The following KCNIP4 variants were observed in gnomAD, a reference collection of about 807,000 sequenced individuals.
KCNIP4 encodes the protein Kv channel-interacting protein 4.
A neutral mutation model predicts 34.0 loss-of-function variants in KCNIP4; 12 were observed. That is an observed-to-expected ratio of 0.35 (90% CI 0.23 to 0.57). KCNIP4 has a LOEUF of 0.57. Ranked by LOEUF, KCNIP4 falls within the 20% of genes least tolerant of loss-of-function variation. The probability of loss-of-function intolerance (pLI) is 0.83; values close to 1 mark genes in which losing one functional copy is unlikely to be tolerated. For missense variants in KCNIP4, 238 were observed against 311.7 expected (o/e 0.76, Z 1.78); for synonymous variants, 124 against 102.2 (o/e 1.21, Z -1.29).
intron 1 of KCNIP4, among the ~76,000 whole-genome samples, chr4:21,470,333 G>A (rs896831437): frequency 1.3e-5 from 2 of 152,206 alleles, no homozygotes; most frequent in South Asian, 4.2e-4. Flanking sequence ...AAGGAGAAAG[G>A]GAAGAAAGGA....
chr4:21,296,083 T>C (rs577260536), intron 1 of KCNIP4, among the ~76,000 whole-genome samples: 1 of 152,300 alleles, frequency 6.6e-6, no homozygotes, highest in South Asian at 2.1e-4. Context: ...TCTAGAACAG[T>C]AGCTGGCACT....
intron 1 of KCNIP4, among the ~76,000 whole-genome samples, chr4:21,801,225 C>G (rs979596174): frequency 2.6e-5 from 4 of 152,096 alleles, no homozygotes; most frequent in African/African-American, 7.2e-5. Context: ...GTATTTGACA[C>G]GTAATCTTTT....
chr4:21,153,849 A>G (rs926862160), intron 1 of KCNIP4, among the ~76,000 whole-genome samples: 18 of 152,134 alleles, frequency 1.2e-4, no homozygotes, highest in African/African-American at 4.3e-4. Context: ...GAGTTCTTTC[A>G]TCAGGTATAT....
intron 1 of KCNIP4, among the ~76,000 whole-genome samples, chr4:21,076,116 T>G (rs1745466132): frequency 6.6e-6 from 1 of 152,162 alleles, no homozygotes; most frequent in South Asian, 2.1e-4. Context: ...ATTATGTGTC[T>G]TGGAGTTGCT....
chr4:21,861,773 C>CT (rs1725093125), intron 1 of KCNIP4, among the ~76,000 whole-genome samples: 1 of 151,948 alleles, frequency 6.6e-6, no homozygotes, highest in South Asian at 2.1e-4. Flanking sequence ...GACCATTGTT[C>CT]TTTCTTCCAA....
At chr4:21,508,402 A>T (rs1158789454) in intron 1 of KCNIP4, among the ~76,000 whole-genome samples, 1 of 152,176 alleles carries the variant, frequency 6.6e-6, no homozygotes, top group African/African-American at 2.4e-5. Flanking sequence ...TATGCTTATT[A>T]TGTTACAAAG....
chr4:21,251,574 T>C (rs1760702061), intron 1 of KCNIP4, among the ~76,000 whole-genome samples: 1 of 152,194 alleles, frequency 6.6e-6, no homozygotes, highest in South Asian at 2.1e-4. Flanking sequence ...CAAAATATTT[T>C]GTTTCAAAAC....
At chr4:21,754,939 G>T (rs540822585) in intron 1 of KCNIP4, among the ~76,000 whole-genome samples, 2 of 152,188 alleles carry the variant, frequency 1.3e-5, no homozygotes, top group South Asian at 4.1e-4. Flanking sequence ...CTGAGGTCAG[G>T]AGTTCAAGAC....
intron 2 of KCNIP4, among the ~76,000 whole-genome samples, chr4:20,864,031 T>C (rs987536225): frequency 8.7e-5 from 9 of 103,880 alleles, no homozygotes; most frequent in African/African-American, 2.4e-4. Flanking sequence ...TATACATACA[T>C]ATGTATGTAT....
chr4:21,669,664 G>A (rs562802765), intron 1 of KCNIP4, among the ~76,000 whole-genome samples: 1 of 152,060 alleles, frequency 6.6e-6, no homozygotes, highest in Non-Finnish European at 1.5e-5. Context: ...ATAATGCAAA[G>A]TATGATGACC....
intron 1 of KCNIP4, among the ~76,000 whole-genome samples, chr4:21,720,262 C>T (rs539555920): frequency 6.6e-6 from 1 of 151,736 alleles, no homozygotes; most frequent in Non-Finnish European, 1.5e-5. Flanking sequence ...ATCATAAGTA[C>T]AGTACATATT....
chr4:21,024,336 T>C (rs1441900184), intron 1 of KCNIP4, among the ~76,000 whole-genome samples: 1 of 152,204 alleles, frequency 6.6e-6, no homozygotes, highest in Non-Finnish European at 1.5e-5. Context: ...AGGCAATTAA[T>C]GTTTTTGAGG....
At chr4:21,112,807 AG>A (rs1749336933) in intron 1 of KCNIP4, among the ~76,000 whole-genome samples, 2 of 152,090 alleles carry the variant, frequency 1.3e-5, no homozygotes, top group African/African-American at 4.8e-5. Context: ...AGAAAATGGA[AG>A]GTTGTTTCCA....
chr4:21,574,879 G>C (rs1025048664), intron 1 of KCNIP4, among the ~76,000 whole-genome samples: 1 of 152,108 alleles, frequency 6.6e-6, no homozygotes, highest in Non-Finnish European at 1.5e-5. Flanking sequence ...TTGAGAATCT[G>C]AGAACTATCT....
At chr4:21,818,999 T>C (rs1036678651) in intron 1 of KCNIP4, among the ~76,000 whole-genome samples, 2 of 152,208 alleles carry the variant, frequency 1.3e-5, no homozygotes, top group Non-Finnish European at 2.9e-5. Flanking sequence ...GGAAAATGCC[T>C]ACTCTGTGGT....
At chr4:20,831,515 A>T (rs1397400534) in intron 3 of KCNIP4, among the ~76,000 whole-genome samples, 1 of 152,196 alleles carries the variant, frequency 6.6e-6, no homozygotes, top group Non-Finnish European at 1.5e-5. Context: ...CTTGAAAACC[A>T]GGTTCATCCA....
At chr4:20,884,275 G>A (rs1391892318) in intron 1 of KCNIP4, among the ~76,000 whole-genome samples, 1 of 152,118 alleles carries the variant, frequency 6.6e-6, no homozygotes. Flanking sequence ...TTGTTACATA[G>A]GTATACATGT....
chr4:20,755,961 A>G (rs1553890497), intron 4 of KCNIP4, among the ~76,000 whole-genome samples: 2 of 151,924 alleles, frequency 1.3e-5, no homozygotes, highest in Non-Finnish European at 2.9e-5. Flanking sequence ...TTTGTAGGCC[A>G]CTCTGTAGGT....
chr4:21,542,617 T>C (rs1560502908), intron 1 of KCNIP4, among the ~76,000 whole-genome samples: 2 of 151,458 alleles, frequency 1.3e-5, no homozygotes, highest in Non-Finnish European at 2.9e-5. Context: ...AAAACAAAAG[T>C]GATCAAAATA....
Sources: allele counts gnomAD v4.1 joint callset (sites outside exome capture counted in the v4.1 genomes callset), GRCh38; gene constraint gnomAD v4.1.1; transcripts MANE v1.5; gene names NCBI Gene and HGNC (gene_info 2026-07-23, HGNC 2026-07-21).